The following PCDHGB3 variants were observed in gnomAD, a reference collection of about 807,000 sequenced individuals.
PCDHGB3 encodes protocadherin gamma-B3.
Under a neutral mutation model 59.2 loss-of-function variants are expected in PCDHGB3, and 40 were observed. The observed-to-expected ratio is 0.68, with a 90% CI of 0.52 to 0.88. The LOEUF is 0.88. PCDHGB3 is among the 40% of genes least tolerant of loss of function. PCDHGB3 has a pLI of 0.00. For missense variants in PCDHGB3, 1,309 were observed against 1,187.9 expected, an observed-to-expected ratio of 1.10 and a Z score of -1.50; for synonymous variants, 581 against 503.6, an observed-to-expected ratio of 1.15 and a Z score of -2.06.
chr5:141,410,726 A>G, intron 1 of PCDHGB3: 4 of 1,376,038 alleles, frequency 2.9e-6, no homozygotes, highest in Non-Finnish European at 3.9e-6. Context: ...TTTAAAATCC[A>G]TAGCTTTTTA....
chr5:141,393,900 G>C (rs1048161107), intron 1 of PCDHGB3: 1 of 1,613,906 alleles, frequency 6.2e-7, no homozygotes, highest in Non-Finnish European at 8.5e-7. Context: ...TTCTCTTCCC[G>C]GGACAGTAAT....
At chr5:141,408,036 A>C in intron 1 of PCDHGB3, 1 of 1,132,834 alleles carries the variant, frequency 8.8e-7, no homozygotes, top group Non-Finnish European at 1.2e-6. Flanking sequence ...GAAGAAAACC[A>C]GCTCCCACAC....
chr5:141,382,942 C>G, intron 1 of PCDHGB3: 1 of 1,595,524 alleles, frequency 6.3e-7, no homozygotes, highest in African/African-American at 1.3e-5. Flanking sequence ...AGGATTCTTC[C>G]TGCTCTCCAT....
chr5:141,394,496 G>T (rs779718881), intron 1 of PCDHGB3: 5 of 1,614,118 alleles, frequency 3.1e-6, no homozygotes, highest in Middle Eastern at 1.6e-4. Context: ...ACGCGCCCGA[G>T]ATCCTGTACC....
At position 141,476,943 on chromosome 5, in the gene PCDHGB3, A is replaced by G. The variant is rs538990482; in HGVS notation, c.2416-17864A>G. On this transcript the variant is annotated intron_variant, in intron 1 of 3. Coordinates refer to ENST00000576222, the MANE Select transcript of PCDHGB3 (RefSeq NM_018924.5). This position sits in a 1 kb window ranked among gnomAD's most constrained non-coding sequence, Gnocchi z 7.6. ...GCAACGGATCTGGATGAAGGCCCCA[A>G]CGGTGAAATTATTTACTCCTTCGGC... 14 of 1,614,170 alleles carry G rather than the reference A, an allele frequency of 8.7e-6. No individual in the cohort carries two copies. Among genetic ancestry groups the G allele is most frequent in the South Asian group, 1.1e-5 (1 of 91,086 alleles).
rs746242389 is a variant in PCDHGB3 at position 141,491,254 on chromosome 5, G to C, written c.2416-3553G>C. 3 of 1,614,080 alleles carry C rather than the reference G, an allele frequency of 1.9e-6. No individual in the cohort carries two copies. In the African/African-American group the frequency reaches 4.0e-5, roughly 22 times the overall value. On this transcript the variant is annotated intron_variant, in intron 1 of 3. Transcript: ENST00000576222. This position sits in a 1 kb window ranked among gnomAD's most constrained non-coding sequence, Gnocchi z 6.9. ...GCTGGTTCTGGAGGATGAGGACCCT[G>C]AGGAAATGCCCAAATCCAGTGACTT...
intron 1 of PCDHGB3, among the ~76,000 whole-genome samples, chr5:141,462,399 T>C (rs2099038838): frequency 6.6e-6 from 1 of 152,236 alleles, no homozygotes; most frequent in South Asian, 2.1e-4. Flanking sequence ...ATTTCTTTTA[T>C]GGCACAGAAT....
Position 141,475,033 on chromosome 5 carries a change from A to G in PCDHGB3, c.2416-19774A>G, listed in dbSNP as rs1223709259. 2.0e-5 allele frequency among the ~76,000 whole-genome samples: 3 copies of G among 152,362 alleles called. No individual in the cohort carries two copies. In the East Asian group the frequency reaches 5.8e-4, roughly 29 times the overall value. ...TTAAGGCTCTTTATTCTGTGACTAA[A>G]GGCTTTGTATTTTCTAAAGATTTGT... is the stretch of plus-strand genomic sequence containing the variant. On this transcript the variant is annotated intron_variant, in intron 1 of 3. Transcript: ENST00000576222.
At chr5:141,375,007 C>A (rs369489853) in intron 1 of PCDHGB3, 1 of 1,614,000 alleles carries the variant, frequency 6.2e-7, no homozygotes, top group East Asian at 2.2e-5. Context: ...CAAATCTAGA[C>A]TATGAGGACT....
chr5:141,496,499 G>A (rs1417059875), intron 2 of PCDHGB3, among the ~76,000 whole-genome samples: 1 of 152,102 alleles, frequency 6.6e-6, no homozygotes, highest in Non-Finnish European at 1.5e-5. Context: ...AACCCTTGTT[G>A]CCACAAGGAC....
intron 1 of PCDHGB3, chr5:141,418,432 T>A: frequency 6.2e-7 from 1 of 1,613,956 alleles, no homozygotes; most frequent in East Asian, 2.2e-5. Context: ...GTGGCAAATA[T>A]CCAGAATTAG....
intron 2 of PCDHGB3, among the ~76,000 whole-genome samples, chr5:141,497,175 A>T (rs2154592067): frequency 6.7e-6 from 1 of 150,262 alleles, no homozygotes; most frequent in East Asian, 1.9e-4. Context: ...AAATCACAGT[A>T]AGTTCTGAGA....
intron 1 of PCDHGB3, chr5:141,376,578 A>C: frequency 6.3e-6 from 10 of 1,590,844 alleles, no homozygotes; most frequent in Non-Finnish European, 8.6e-6. Flanking sequence ...AGACAGGCTC[A>C]TCAGCTAGAT....
chr5:141,480,453 A>G (rs1033797238), intron 1 of PCDHGB3, among the ~76,000 whole-genome samples: 1 of 152,182 alleles, frequency 6.6e-6, no homozygotes, highest in African/African-American at 2.4e-5. Context: ...AATTATTTTT[A>G]TTAGTTCCTC....
chr5:141,376,529 C>A (rs536041905), intron 1 of PCDHGB3: 2 of 1,613,656 alleles, frequency 1.2e-6, no homozygotes, highest in Non-Finnish European at 1.7e-6. Context: ...TCCGCCTAAG[C>A]GGGAAGAGTA....
At chr5:141,382,749 G>T in intron 1 of PCDHGB3, 1 of 612,210 alleles carries the variant, frequency 1.6e-6, no homozygotes, top group Non-Finnish European at 2.8e-6. Context: ...GACAGATTGC[G>T]ATAAGCCCTC....
Position 141,490,156 on chromosome 5 carries a change from G to T in PCDHGB3, c.2416-4651G>T. On this transcript the variant is annotated intron_variant, in intron 1 of 3. Coordinates refer to ENST00000576222, the MANE Select transcript of PCDHGB3 (RefSeq NM_018924.5). The surrounding 1 kb of genome is among the most constrained non-coding windows in gnomAD (Gnocchi z 5.4). ...TAGCAGTGGGGCAATCCATGTGTTG[G>T]GTCCCATAGACTTTGAGGAGTCACG... is the stretch of plus-strand genomic sequence containing the variant. 3.1e-6 allele frequency: 5 copies of T among 1,614,192 alleles called. No individual in the cohort carries two copies. Among genetic ancestry groups the T allele is most frequent in the Non-Finnish European group, 4.2e-6 (5 of 1,180,034 alleles).
rs770154641 is a variant in PCDHGB3, at chr5:141,372,296, C to T, written c.1902C>T (p.Asp634=). ...GEVRTARTLG[D]REAARQRLLV... ...TGCGCACGGCGCGTACCTTGGGCGA[C>T]AGGGAGGCCGCCCGCCAGCGCCTGC... Residue 634 remains aspartate, a synonymous_variant, in exon 1 of 4, where the codon GAC becomes GAT. Coordinates refer to ENST00000576222, the MANE Select transcript of PCDHGB3 (RefSeq NM_018924.5). 5 of 1,613,184 alleles carry T rather than the reference C, an allele frequency of 3.1e-6. No individual in the cohort carries two copies. The African/African-American group carries it at 5.3e-5, about 17-fold the overall frequency.
rs1001412632 is a variant in PCDHGB3, at chr5:141,493,097, A to G, written c.2416-1710A>G. On this transcript the variant is annotated intron_variant, in intron 1 of 3. Transcript: ENST00000576222. The surrounding 1 kb of genome is among the most constrained non-coding windows in gnomAD (Gnocchi z 4.3). ...AACTCCAGGAGCTTTTATTCAAAAT[A>G]TATCAATGCCTAACTCTGCTCCTAG... Among the ~76,000 whole-genome samples, 1 of 152,224 alleles carries G rather than the reference A, an allele frequency of 6.6e-6. No homozygotes were observed. The highest frequency in any genetic ancestry group is 2.4e-5 in the African/African-American group (1 of 41,456).
Sources: gnomAD v4.1 joint callset for allele counts (sites outside exome capture counted in the v4.1 genomes callset) on GRCh38, gnomAD v4.1.1 for gene constraint, Gnocchi (gnomAD v3.1) non-coding constraint, MANE v1.5 for transcripts, NCBI Gene and HGNC (gene_info 2026-07-23, HGNC 2026-07-21) for gene names.